Variants in GRM7 observed in about 807,000 individuals in gnomAD.
GRM7 encodes glutamate metabotropic receptor 7.
A neutral mutation model predicts 84.5 loss-of-function variants in GRM7; 35 were observed. The ratio of observed to expected loss-of-function variants is 0.41; its 90% CI spans 0.32 to 0.55. The LOEUF (loss-of-function observed/expected upper bound fraction) is 0.55, where lower values mean the gene tolerates loss of function less well. GRM7 is among the 20% of genes least tolerant of loss of function. The pLI, the probability that GRM7 is intolerant of heterozygous loss-of-function variation, is 0.19. For synonymous variants in GRM7, 487 were observed against 455.1 expected (o/e 1.07, Z -0.89); for missense variants, 1,003 against 1,194.6 (o/e 0.84, Z 2.36).
At chr3:7,674,883 G>C (rs1296789480) in intron 8 of GRM7, among the ~76,000 whole-genome samples, 3 of 152,180 alleles carry the variant, frequency 2.0e-5, no homozygotes, top group Non-Finnish European at 4.4e-5. Flanking sequence ...TAAAAAATAG[G>C]TAAACCCATA....
chr3:7,064,964 T>C (rs1469195788), intron 1 of GRM7, among the ~76,000 whole-genome samples: 1 of 152,004 alleles, frequency 6.6e-6, no homozygotes, highest in Non-Finnish European at 1.5e-5. Context: ...TTTTCATATG[T>C]TCATTGGCCA....
Position 7,240,980 on chromosome 3 carries a change from C to T in GRM7, c.737-57704C>T, listed in dbSNP as rs531345126. Among the ~76,000 whole-genome samples the T allele has an allele frequency of 1.8e-4, 28 of 152,198 alleles. 5 individuals carry two copies. The highest frequency in any genetic ancestry group is 1.5e-3 in the South Asian group (7 of 4,822). ...GGAGCAATAGGCTATACCATGTAGCCTATGTATGTAATAGACGATGCCATC... is the reference window on the plus strand; with the variant it reads ...GGAGCAATAGGCTATACCATGTAGCTTATGTATGTAATAGACGATGCCATC... On this transcript the variant is annotated intron_variant, in intron 2 of 9. Transcript: ENST00000357716.
intron 2 of GRM7, among the ~76,000 whole-genome samples, chr3:7,252,470 T>C (rs1698028198): frequency 6.6e-6 from 1 of 152,130 alleles, no homozygotes; most frequent in African/African-American, 2.4e-5. Flanking sequence ...TCACGGTCCT[T>C]TGAGAATCTG....
At chr3:7,716,030 G>T (rs990517391) in intron 9 of GRM7, among the ~76,000 whole-genome samples, 8 of 152,046 alleles carry the variant, frequency 5.3e-5, no homozygotes, top group African/African-American at 1.9e-4. Context: ...CTCCTCTCCT[G>T]CACCACCAGG....
intron 7 of GRM7, among the ~76,000 whole-genome samples, chr3:7,481,899 G>A (rs539069144): frequency 4.0e-4 from 61 of 152,242 alleles, no homozygotes; most frequent in Non-Finnish European, 6.3e-4. Context: ...TTAGAAATGA[G>A]TATTTCAGCC....
chr3:7,140,834 G>T (rs1693922657), intron 1 of GRM7, among the ~76,000 whole-genome samples: 1 of 151,836 alleles, frequency 6.6e-6, no homozygotes, highest in Non-Finnish European at 1.5e-5. Flanking sequence ...ACTGTGTAAG[G>T]GTCCCCACGG....
At chr3:7,494,447 A>G (rs879332532) in intron 7 of GRM7, among the ~76,000 whole-genome samples, 1 of 152,080 alleles carries the variant, frequency 6.6e-6, no homozygotes, top group Non-Finnish European at 1.5e-5. Flanking sequence ...GTTTCTTTAG[A>G]TTTATCCTTT....
intron 7 of GRM7, among the ~76,000 whole-genome samples, chr3:7,566,804 A>G (rs555736744): frequency 9.6e-4 from 145 of 151,158 alleles, no homozygotes; most frequent in African/African-American, 3.0e-3. Flanking sequence ...TTCCAGGGGG[A>G]AAAAAAAAAT....
chr3:7,529,921 T>C (rs1385714678), intron 7 of GRM7, among the ~76,000 whole-genome samples: 1 of 151,508 alleles, frequency 6.6e-6, no homozygotes, highest in African/African-American at 2.4e-5. Flanking sequence ...TCTTTTTTTT[T>C]TTTTTGTCAG....
chr3:7,114,081 G>T (rs1039964841), intron 1 of GRM7, among the ~76,000 whole-genome samples: 2 of 152,106 alleles, frequency 1.3e-5, no homozygotes, highest in Non-Finnish European at 2.9e-5. Flanking sequence ...TTTAAAATCA[G>T]CTGTGTCATG....
intron 1 of GRM7, among the ~76,000 whole-genome samples, chr3:7,092,734 A>G (rs1006440914): frequency 1.3e-5 from 2 of 152,230 alleles, no homozygotes; most frequent in East Asian, 3.9e-4. Flanking sequence ...TCACTGAGAT[A>G]TTTGGGGTTG....
At position 7,741,071 on chromosome 3, in the gene GRM7, C is replaced by A. The variant is rs1273035269; in HGVS notation, c.*665C>A. 6.6e-6 allele frequency: 1 copy of A among 152,144 alleles called. No homozygotes were observed. The highest frequency in any genetic ancestry group is 2.4e-5 in the African/African-American group (1 of 41,270). The allele number at this position is 152,144 out of a possible 1,614,324, so 9.4% of individuals were successfully genotyped here. A position where few individuals can be genotyped will look rare whatever the true frequency, so the allele number is the denominator to read the frequency against. ...ACTGTGCTGAGAAAGTATGCCCCAC[C>A]TATCTTTGGTATATGATAGGTTACA... On this transcript the variant is annotated 3_prime_UTR_variant, in exon 10 of 10. Transcript: ENST00000357716.
chr3:7,186,357 A>G (rs943449271), intron 2 of GRM7, among the ~76,000 whole-genome samples: 12 of 152,192 alleles, frequency 7.9e-5, no homozygotes, highest in African/African-American at 2.9e-4. Flanking sequence ...CCTATACTTT[A>G]AAGTTATTTG....
At chr3:7,206,785 A>C (rs1696254910) in intron 2 of GRM7, among the ~76,000 whole-genome samples, 1 of 152,134 alleles carries the variant, frequency 6.6e-6, no homozygotes, top group Non-Finnish European at 1.5e-5. Context: ...AGGTGATGTA[A>C]AGGAAATGTG....
At chr3:7,586,748 C>T (rs1695538591) in intron 8 of GRM7, among the ~76,000 whole-genome samples, 1 of 152,092 alleles carries the variant, frequency 6.6e-6, no homozygotes, top group Admixed American at 6.5e-5. Context: ...GCAGAGGTTG[C>T]AGTGGGCCAA....
At chr3:7,024,294 G>C (rs1178184843) in intron 1 of GRM7, among the ~76,000 whole-genome samples, 1 of 152,084 alleles carries the variant, frequency 6.6e-6, no homozygotes, top group African/African-American at 2.4e-5. Context: ...AAGAGGGAGG[G>C]GTAATATATG....
intron 2 of GRM7, among the ~76,000 whole-genome samples, chr3:7,239,336 A>T (rs1045776368): frequency 2.0e-5 from 3 of 152,070 alleles, no homozygotes; most frequent in Admixed American, 2.0e-4. Flanking sequence ...TCCAAATGTG[A>T]TGTAGTAAAA....
chr3:6,877,249 T>C (rs9838115), intron 1 of GRM7, among the ~76,000 whole-genome samples: 18,791 of 151,986 alleles, frequency 0.12, 1,309 homozygotes, highest in African/African-American at 0.17. Flanking sequence ...TACGGAGGGG[T>C]TTGATGCAGG....
intron 7 of GRM7, among the ~76,000 whole-genome samples, chr3:7,547,858 A>G (rs1344299549): frequency 1.3e-5 from 2 of 152,370 alleles, no homozygotes; most frequent in East Asian, 3.9e-4. Context: ...TTGGATATTT[A>G]AAATACAGTG....
Sources: allele counts gnomAD v4.1 joint callset (sites outside exome capture counted in the v4.1 genomes callset), GRCh38; gene constraint gnomAD v4.1.1; transcripts MANE v1.5; gene names NCBI Gene and HGNC (gene_info 2026-07-23, HGNC 2026-07-21).